USO1: variants seen among roughly 807,000 people sequenced by gnomAD.
USO1 encodes the protein general vesicular transport factor p115.
A neutral mutation model predicts 124.5 loss-of-function variants in USO1; 57 were observed. The observed-to-expected ratio is 0.46, with a 90% CI of 0.37 to 0.57. USO1 has a LOEUF of 0.57. Ranked by LOEUF, USO1 falls within the 20% of genes least tolerant of loss-of-function variation. USO1 has a pLI of 0.00. For missense variants in USO1, 900 were observed against 1,040.6 expected (o/e 0.86, Z 1.86); for synonymous variants, 369 against 362.8 (o/e 1.02, Z -0.19).
intron 1 of USO1, chr4:75,744,951 C>A (rs890808451): frequency 4.0e-6 from 2 of 500,060 alleles, no homozygotes; most frequent in Non-Finnish European, 8.0e-6. Context: ...CAAACAGTGA[C>A]TGTTCCAGAT....
chr4:75,765,243 T>G (rs1359725557), intron 4 of USO1, among the ~76,000 whole-genome samples: 1 of 152,206 alleles, frequency 6.6e-6, no homozygotes, highest in Non-Finnish European at 1.5e-5. Flanking sequence ...AGATTTCTCA[T>G]GTATTTGGAG....
At chr4:75,800,593 C>A in intron 15 of USO1, 25 bp from the exon 16 acceptor site, 1 of 1,511,496 alleles carries the variant, frequency 6.6e-7, no homozygotes, top group Non-Finnish European at 8.8e-7. Flanking sequence ...TTTTTTAAAG[C>A]ATCTCAATAT....
chr4:75,797,299 G>C (rs987427019), intron 13 of USO1, among the ~76,000 whole-genome samples: 1 of 151,522 alleles, frequency 6.6e-6, no homozygotes, highest in Middle Eastern at 3.2e-3. Context: ...CAGATCCACT[G>C]ATCTTTTTCT....
At chr4:75,810,407 CT>C (rs763298232) in intron 21 of USO1, 24 bp from the exon 22 acceptor site, 7 of 1,585,138 alleles carry the variant, frequency 4.4e-6, no homozygotes, top group East Asian at 2.3e-5. Context: ...TAAGAGACAT[CT>C]TTTTTTCCAA....
At chr4:75,732,280 T>C (rs1283443412) in intron 1 of USO1, among the ~76,000 whole-genome samples, 1 of 152,200 alleles carries the variant, frequency 6.6e-6, no homozygotes, top group Non-Finnish European at 1.5e-5. Context: ...TGTTCCTATA[T>C]TAATTCGCTT....
chr4:75,757,350 C>T, intron 3 of USO1, 147 bp from the exon 4 acceptor site: 1 of 611,950 alleles, frequency 1.6e-6, no homozygotes, highest in Non-Finnish European at 2.3e-6. Context: ...AATAAAACTA[C>T]ACATTTTTTA....
intron 1 of USO1, 154 bp downstream of exon 1, chr4:75,725,039 C>T (rs1720365133): frequency 3.8e-6 from 3 of 797,192 alleles, no homozygotes; most frequent in Non-Finnish European, 6.0e-6. Context: ...TCCTGAAATC[C>T]CAGAGTTATT....
At chr4:75,751,116 G>GT (rs1436154624) in intron 1 of USO1, among the ~76,000 whole-genome samples, 1 of 151,608 alleles carries the variant, frequency 6.6e-6, no homozygotes, top group African/African-American at 2.4e-5. Context: ...GTTGTTATCT[G>GT]TTTTTTCCTA....
chr4:75,763,279 T>C (rs562520674), intron 4 of USO1, among the ~76,000 whole-genome samples: 83 of 152,316 alleles, frequency 5.4e-4, no homozygotes, highest in African/African-American at 2.0e-3. Context: ...ACTTCACGAT[T>C]TTTTGATTTA....
intron 1 of USO1, chr4:75,729,816 C>T: frequency 4.6e-6 from 1 of 219,346 alleles, no homozygotes; most frequent in Admixed American, 5.8e-5. Context: ...GGTCTCTTTC[C>T]AGATCAAACT....
chr4:75,785,355 A>T (rs1183815184), intron 9 of USO1, among the ~76,000 whole-genome samples: 1 of 152,020 alleles, frequency 6.6e-6, no homozygotes, highest in Non-Finnish European at 1.5e-5. Flanking sequence ...AAAATATTTT[A>T]TTTTTTTAAA....
At position 75,748,130 on chromosome 4, in the gene USO1, C is replaced by T. The variant is rs1045487815; in HGVS notation, c.67-4243C>T. Among the ~76,000 whole-genome samples, 7 of 151,854 alleles carry T rather than the reference C, an allele frequency of 4.6e-5. No individual in the cohort carries two copies. The South Asian group carries it at 1.2e-3, about 27-fold the overall frequency. On this transcript the variant is annotated intron_variant, in intron 1 of 23. Coordinates refer to ENST00000514213, the MANE Select transcript of USO1 (RefSeq NM_003715.4). The stretch of plus-strand genomic sequence containing the variant: ...CTGTGTTGAGGCTGGTCTCGAACTC[C>T]TGACCTCAGGTGATCCGCCCCCTTC...
At position 75,800,398 on chromosome 4, in the gene USO1, C is replaced by T; in HGVS notation, c.1611C>T (p.Val537=). Residue 537 remains valine, a synonymous_variant, in exon 15 of 24, where the codon GTC becomes GTT. Transcript: ENST00000514213. ...AENLGEEEQL[V]QGLCALLLGI... ...ATCTTGGAGAAGAAGAGCAGTTGGT[C>T]CAAGGCTTATGTGCCCTTTTGTTGG... The T allele has an allele frequency of 6.3e-7, 1 of 1,599,736 alleles. No individual in the cohort carries two copies. Among genetic ancestry groups the T allele is most frequent in the Non-Finnish European group, 8.5e-7 (1 of 1,172,620 alleles).
rs1470195077 is a variant in USO1, at chr4:75,790,672, T to C, written c.1115T>C (p.Met372Thr). The change falls in exon 12 of 24, where the codon ATG becomes ACG. Residue 372 changes from methionine to threonine, a missense_variant. This residue lies in a region of USO1 where 538 missense variants were observed against 681.6 expected (regional missense o/e 0.79). Transcript: ENST00000514213. ...RPAIVVLLMS[M>T]VNERQPFVLR... ...GCAATTGTAGTACTTCTCATGTCCA[T>C]GGTTAATGAAAGGCAGCCATTTGTT... is the stretch of plus-strand genomic sequence containing the variant. 2 of 1,611,948 alleles carry C rather than the reference T, an allele frequency of 1.2e-6. No individual in the cohort carries two copies. Among genetic ancestry groups the C allele is most frequent in the Non-Finnish European group, 1.7e-6 (2 of 1,179,382 alleles).
At chr4:75,809,288 A>G (rs749229649) in intron 21 of USO1, among the ~76,000 whole-genome samples, 3 of 126,286 alleles carry the variant, frequency 2.4e-5, no homozygotes, top group Non-Finnish European at 5.3e-5. Flanking sequence ...ATTACATTCT[A>G]TTTCTGTCCC....
chr4:75,756,370 T>C (rs1560442065), intron 3 of USO1, among the ~76,000 whole-genome samples: 1 of 152,120 alleles, frequency 6.6e-6, no homozygotes, highest in Non-Finnish European at 1.5e-5. Flanking sequence ...TATAATCTTC[T>C]TTATTCTATG....
At chr4:75,750,839 C>T (rs1317792091) in intron 1 of USO1, among the ~76,000 whole-genome samples, 1 of 152,156 alleles carries the variant, frequency 6.6e-6, no homozygotes, top group Non-Finnish European at 1.5e-5. Flanking sequence ...ACAGAGGTCA[C>T]GAGGATTTTC....
chr4:75,791,251 C>T (rs1028199326), intron 12 of USO1, among the ~76,000 whole-genome samples: 7 of 152,168 alleles, frequency 4.6e-5, no homozygotes, highest in Non-Finnish European at 8.8e-5. Flanking sequence ...TTGCCAGGTG[C>T]GGTGGCTCAC....
Position 75,728,218 on chromosome 4 carries a change from GT to G in USO1, c.66+3344del, listed in dbSNP as rs57465783. On this transcript the variant is annotated intron_variant, in intron 1 of 23. Transcript: ENST00000514213. ...TACTAAATGCTTTGACTGCTTTCTT[GT>G]TTTTTTTTTTCTTATTGAATTTAAG... 4.5e-3 allele frequency among the ~76,000 whole-genome samples: 659 copies of G among 146,146 alleles called. 1 individual carries two copies. Among genetic ancestry groups the G allele is most frequent in the African/African-American group, 0.015 (590 of 40,024 alleles).
Sources: gnomAD v4.1 joint callset for allele counts (sites outside exome capture counted in the v4.1 genomes callset) on GRCh38, gnomAD v4.1.1 for gene constraint, gnomAD v4.1.1 regional missense constraint, MANE v1.5 for transcripts, NCBI Gene and HGNC (gene_info 2026-07-23, HGNC 2026-07-21) for gene names.